GPC3: variants seen among roughly 807,000 people sequenced by gnomAD.
GPC3 encodes glypican 3.
In GPC3, 3 loss-of-function variants were observed where a neutral mutation model predicts 34.4. The observed-to-expected ratio is 0.09, with a 90% CI of 0.04 to 0.23. The LOEUF (loss-of-function observed/expected upper bound fraction) is 0.23, where lower values mean the gene tolerates loss of function less well. Ranked by LOEUF, GPC3 falls within the 10% of genes least tolerant of loss-of-function variation. The pLI is 1.00. For synonymous variants in GPC3, 177 were observed against 174.0 expected, an observed-to-expected ratio of 1.02 and a Z score of -0.13; for missense variants, 351 against 445.6, an observed-to-expected ratio of 0.79 and a Z score of 1.91.
chrX:133,737,995 A>C (rs1306952308), intron 3 of GPC3, among the ~76,000 whole-genome samples: 1 of 111,431 alleles, frequency 9.0e-6, no homozygotes, highest in Non-Finnish European at 1.9e-5. Context: ...ACAGGGTCTC[A>C]CTCTGTTGCC....
intron 2 of GPC3, among the ~76,000 whole-genome samples, chrX:133,897,705 C>A (rs1345587251): frequency 1.8e-5 from 2 of 111,119 alleles, no homozygotes; most frequent in East Asian, 5.7e-4. Flanking sequence ...TCTTTGGAAG[C>A]CTCAAATCAC....
intron 3 of GPC3, among the ~76,000 whole-genome samples, chrX:133,725,005 G>A (rs1249545860): frequency 8.9e-6 from 1 of 111,846 alleles, no homozygotes; most frequent in Non-Finnish European, 1.9e-5. Context: ...AAAGGCTGCA[G>A]TCTGTTAGGA....
intron 1 of GPC3, among the ~76,000 whole-genome samples, chrX:133,967,403 T>C (rs1204461613): frequency 5.4e-5 from 6 of 111,039 alleles, no homozygotes; most frequent in Non-Finnish European, 1.1e-4. Flanking sequence ...AAATCGTGGG[T>C]GATTCAGACA....
intron 7 of GPC3, among the ~76,000 whole-genome samples, chrX:133,586,143 T>TA (rs2069786804): frequency 8.9e-6 from 1 of 111,887 alleles, no homozygotes; most frequent in East Asian, 2.8e-4. Context: ...TATCCTGAGT[T>TA]ATGATAACTT....
intron 6 of GPC3, among the ~76,000 whole-genome samples, chrX:133,621,574 C>T (rs186102122): frequency 6.2e-5 from 7 of 112,081 alleles, no homozygotes; most frequent in Non-Finnish European, 1.1e-4. Context: ...AGTCTGAGAT[C>T]GAACTGCAAG....
At chrX:133,783,867 A>G (rs756162086) in intron 2 of GPC3, among the ~76,000 whole-genome samples, 1 of 111,976 alleles carries the variant, frequency 8.9e-6, no homozygotes. Context: ...AAAGGAGAAA[A>G]CCTGATGTTG....
intron 2 of GPC3, among the ~76,000 whole-genome samples, chrX:133,854,432 TG>T (rs2075890434): frequency 9.0e-6 from 1 of 111,715 alleles, no homozygotes; most frequent in Admixed American, 9.6e-5. Context: ...GGCAATAGGC[TG>T]GGGGTTATGG....
At chrX:133,663,971 G>A (rs2070748285) in intron 5 of GPC3, among the ~76,000 whole-genome samples, 2 of 111,899 alleles carry the variant, frequency 1.8e-5, no homozygotes, top group South Asian at 7.5e-4. Context: ...CTCTAAACAG[G>A]CCAAAGAAGC....
intron 4 of GPC3, 147 bp downstream of exon 4, chrX:133,699,748 T>C: frequency 6.7e-6 from 3 of 446,385 alleles, no homozygotes; most frequent in Non-Finnish European, 7.6e-6. Context: ...TTTTTAAACA[T>C]TGACAGATGA....
At chrX:133,672,167 C>A (rs971161716) in intron 5 of GPC3, among the ~76,000 whole-genome samples, 4 of 111,467 alleles carry the variant, frequency 3.6e-5, no homozygotes, top group Non-Finnish European at 7.5e-5. Context: ...AGTCCCCCAG[C>A]AGAAAGGGGA....
intron 7 of GPC3, among the ~76,000 whole-genome samples, chrX:133,538,390 G>A (rs2069313225): frequency 9.0e-6 from 1 of 111,494 alleles, no homozygotes; most frequent in African/African-American, 3.3e-5. Flanking sequence ...AAATAAAGAG[G>A]AGTATTTTTA....
At position 133,807,466 on chromosome X, in the gene GPC3, G is replaced by C. The variant is rs187224573; in HGVS notation, c.338-53290C>G. Among the ~76,000 whole-genome samples the C allele has an allele frequency of 1.3e-4, 15 of 111,860 alleles. No homozygotes were observed. The East Asian group carries it at 3.1e-3, about 23-fold the overall frequency. ...CTTTATAGTAACACAAATGGACTAA[G>C]ACACCAGGGGGAACAAAATGGTATG... On this transcript the variant is annotated intron_variant, in intron 2 of 7. Coordinates refer to ENST00000370818, the MANE Select transcript of GPC3 (RefSeq NM_004484.4).
chrX:133,655,478 A>C (rs762503195), intron 6 of GPC3, among the ~76,000 whole-genome samples: 9 of 94,131 alleles, frequency 9.6e-5, no homozygotes, highest in African/African-American at 3.3e-4. Context: ...TCACACACCC[A>C]CACACACACA....
At chrX:133,954,941 G>A (rs1381500608) in intron 1 of GPC3, among the ~76,000 whole-genome samples, 2 of 109,183 alleles carry the variant, frequency 1.8e-5, no homozygotes, top group South Asian at 4.0e-4. Flanking sequence ...TAGAGATGGG[G>A]TTTCGCCATG....
At chrX:133,587,894 C>T (rs934794700) in intron 7 of GPC3, among the ~76,000 whole-genome samples, 1 of 111,547 alleles carries the variant, frequency 9.0e-6, no homozygotes, top group Non-Finnish European at 1.9e-5. Flanking sequence ...AAGGTCACAA[C>T]ATTGGGAAGT....
At chrX:133,597,754 A>G (rs184710897) in intron 6 of GPC3, among the ~76,000 whole-genome samples, 1 of 111,599 alleles carries the variant, frequency 9.0e-6, no homozygotes, top group East Asian at 2.8e-4. Flanking sequence ...TTTATTTTTT[A>G]GCAAAGAAAG....
chrX:133,937,620 C>T (rs2076328863), intron 2 of GPC3, among the ~76,000 whole-genome samples: 1 of 110,496 alleles, frequency 9.1e-6, no homozygotes. Flanking sequence ...ATGAGAAAGC[C>T]TATGCTCACC....
rs1253282022 is a variant in GPC3 at position 133,606,595 on chromosome X, A to AT, written c.1414-9997dup. Among the ~76,000 whole-genome samples the AT allele has an allele frequency of 2.4e-3, 262 of 109,200 alleles. 4 individuals carry two copies. Among genetic ancestry groups the AT allele is most frequent in the Admixed American group, 6.6e-3 (67 of 10,161 alleles). 94.8% of individuals were successfully genotyped at this position (109,200 alleles called of 115,157 possible). Reference sequence around the variant, plus strand: ...TGCCACCATGCCTGAATACTTTTGAATTTTTTTTTGTAGAGACAGGGTCTC... The same window carrying AT: ...TGCCACCATGCCTGAATACTTTTGAATTTTTTTTTTGTAGAGACAGGGTCTC... On this transcript the variant is annotated intron_variant, in intron 6 of 7. Transcript: ENST00000370818.
intron 2 of GPC3, among the ~76,000 whole-genome samples, chrX:133,884,774 C>G (rs1357140330): frequency 2.7e-5 from 3 of 111,736 alleles, no homozygotes; most frequent in African/African-American, 9.8e-5. Context: ...ACTTGACAGT[C>G]CAATCAATGT....
Sources: gnomAD v4.1 joint callset for allele counts (sites outside exome capture counted in the v4.1 genomes callset) on GRCh38, gnomAD v4.1.1 for gene constraint, MANE v1.5 for transcripts, NCBI Gene and HGNC (gene_info 2026-07-23, HGNC 2026-07-21) for gene names.